Variants in MARCHF8 observed in about 807,000 individuals in gnomAD.
MARCHF8 encodes membrane associated ring-CH-type finger 8, also known as E3 ubiquitin-protein ligase MARCHF8.
A neutral mutation model predicts 51.6 loss-of-function variants in MARCHF8; 40 were observed. The ratio of observed to expected loss-of-function variants is 0.77; its 90% CI spans 0.60 to 1.01. MARCHF8 has a LOEUF of 1.01. Ranked by LOEUF, MARCHF8 falls within the 50% of genes least tolerant of loss-of-function variation. The pLI is 0.00. For missense variants in MARCHF8, 685 were observed against 708.6 expected, an observed-to-expected ratio of 0.97 and a Z score of 0.38; for synonymous variants, 263 against 280.3, an observed-to-expected ratio of 0.94 and a Z score of 0.62.
chr10:45,475,954 C>T (rs1459028934), intron 3 of MARCHF8, among the ~76,000 whole-genome samples: 1 of 152,112 alleles, frequency 6.6e-6, no homozygotes, highest in Non-Finnish European at 1.5e-5. Flanking sequence ...TCACAGACAC[C>T]ACAAACATGA....
rs748913191 is a variant in MARCHF8 at position 45,533,195 on chromosome 10, T to G, written c.17A>C (p.His6Pro). 1 of 1,611,186 alleles carries G rather than the reference T, an allele frequency of 6.2e-7. No homozygotes were observed. Among genetic ancestry groups the G allele is most frequent in the Non-Finnish European group, 8.5e-7 (1 of 1,178,750 alleles). The change falls in exon 2 of 8, where the codon CAT becomes CCT. Residue 6 changes from histidine to proline, a missense_variant. Transcript: ENST00000453424. ...CTGGGATGGAATGGCAGAGATCTGA[T>G]GCAGTGGCATGCTCATCCCAACCTC... MSMPL[H>P]QISAIPSQDA...
chr10:45,592,596 T>G (rs79835233), intron 1 of MARCHF8, among the ~76,000 whole-genome samples: 1 of 152,164 alleles, frequency 6.6e-6, no homozygotes, highest in Non-Finnish European at 1.5e-5. Context: ...CTAAACATTA[T>G]GTGATTATAG....
intron 2 of MARCHF8, among the ~76,000 whole-genome samples, chr10:45,503,310 G>A (rs148680224): frequency 2.3e-4 from 35 of 152,210 alleles, no homozygotes; most frequent in African/African-American, 8.4e-4. Context: ...GGCTGAGGCG[G>A]GCAGATCACG....
chr10:45,482,698 T>C (rs1028684479), intron 3 of MARCHF8, among the ~76,000 whole-genome samples: 5 of 152,212 alleles, frequency 3.3e-5, no homozygotes, highest in African/African-American at 9.6e-5. Flanking sequence ...GAGGTTGCAG[T>C]GAGCCTAGAT....
intron 2 of MARCHF8, among the ~76,000 whole-genome samples, chr10:45,498,603 G>A (rs1186744701): frequency 1.3e-5 from 2 of 152,012 alleles, no homozygotes; most frequent in African/African-American, 4.8e-5. Flanking sequence ...AGCCTCCCAA[G>A]TAGCTGGGAT....
chr10:45,494,397 T>C (rs2043136103), intron 2 of MARCHF8, among the ~76,000 whole-genome samples: 1 of 152,122 alleles, frequency 6.6e-6, no homozygotes, highest in Non-Finnish European at 1.5e-5. Flanking sequence ...GACTTCATCA[T>C]GTGGGGTTTT....
intron 1 of MARCHF8, among the ~76,000 whole-genome samples, chr10:45,572,569 C>A (rs1773319297): frequency 6.6e-6 from 1 of 152,148 alleles, no homozygotes; most frequent in African/African-American, 2.4e-5. Context: ...CTAAATAATT[C>A]TTGTTGTAAA....
At chr10:45,484,724 C>T (rs2042949848) in intron 3 of MARCHF8, among the ~76,000 whole-genome samples, 2 of 151,778 alleles carry the variant, frequency 1.3e-5, no homozygotes, top group African/African-American at 4.8e-5. Flanking sequence ...GAATTTTAGC[C>T]ATTCATGCAA....
Position 45,547,601 on chromosome 10 carries a change from A to ATTTT in MARCHF8, c.-78-14313_-78-14312insAAAA, listed in dbSNP as rs1312032081. Among the ~76,000 whole-genome samples the ATTTT allele has an allele frequency of 4.6e-5, 7 of 152,328 alleles. No homozygotes were observed. In the East Asian group the frequency reaches 1.3e-3, roughly 29 times the overall value. On this transcript the variant is annotated intron_variant, in intron 1 of 6. Coordinates refer to the MARCHF8 transcript ENST00000319836. Reference sequence around the variant, plus strand: ...GTGCAGCAACCGATCAGGTGAACCTAAAATATGTAGCGGTTTTTTTGTTTT... The same window carrying ATTTT: ...GTGCAGCAACCGATCAGGTGAACCTATTTTAAATATGTAGCGGTTTTTTTGTTTT...
At chr10:45,532,284 G>A (rs1024293247) in intron 2 of MARCHF8, among the ~76,000 whole-genome samples, 2 of 152,178 alleles carry the variant, frequency 1.3e-5, no homozygotes, top group African/African-American at 4.8e-5. Context: ...TGCAGTGAGG[G>A]TGTATATCAA....
chr10:45,472,128 G>A (rs1285807576), intron 3 of MARCHF8, among the ~76,000 whole-genome samples: 2 of 152,022 alleles, frequency 1.3e-5, no homozygotes, highest in African/African-American at 4.8e-5. Context: ...CTCCTTTCCC[G>A]GCAACTGGTG....
intron 2 of MARCHF8, among the ~76,000 whole-genome samples, chr10:45,524,505 T>C (rs2043759591): frequency 6.6e-6 from 1 of 152,198 alleles, no homozygotes; most frequent in Non-Finnish European, 1.5e-5. Flanking sequence ...AGATGGATGA[T>C]TCAAGAAGCC....
intron 1 of MARCHF8, among the ~76,000 whole-genome samples, chr10:45,584,583 T>C (rs1003061149): frequency 2.0e-5 from 3 of 152,102 alleles, no homozygotes; most frequent in Non-Finnish European, 4.4e-5. Context: ...CAACATTATA[T>C]ACAGTGGTAG....
chr10:45,534,153 A>C (rs1293229411), intron 1 of MARCHF8, among the ~76,000 whole-genome samples: 1 of 152,060 alleles, frequency 6.6e-6, no homozygotes, highest in Non-Finnish European at 1.5e-5. Flanking sequence ...ACTGCACTCC[A>C]GCCTGGGTAA....
At chr10:45,534,543 G>A (rs2043944025) in intron 1 of MARCHF8, among the ~76,000 whole-genome samples, 1 of 152,088 alleles carries the variant, frequency 6.6e-6, no homozygotes, top group South Asian at 2.1e-4. Context: ...ATCCCACTCT[G>A]TATACAAAAC....
intron 3 of MARCHF8, among the ~76,000 whole-genome samples, chr10:45,472,779 G>A (rs1014237809): frequency 2.0e-5 from 3 of 152,150 alleles, no homozygotes; most frequent in Admixed American, 6.5e-5. Context: ...AAAGACAGTC[G>A]GTTAAACTTT....
At chr10:45,514,796 T>C (rs964007667) in intron 2 of MARCHF8, among the ~76,000 whole-genome samples, 14 of 152,120 alleles carry the variant, frequency 9.2e-5, no homozygotes, top group African/African-American at 3.1e-4. Context: ...CTTGAAATAT[T>C]TTTTTTAATG....
intron 1 of MARCHF8, among the ~76,000 whole-genome samples, chr10:45,548,061 A>G (rs907065099): frequency 6.6e-6 from 1 of 152,198 alleles, no homozygotes; most frequent in African/African-American, 2.4e-5. Flanking sequence ...ATTCTAGTAG[A>G]AGATGCAAGG....
chr10:45,497,961 C>A (rs111760408), intron 2 of MARCHF8, among the ~76,000 whole-genome samples: 3,723 of 152,200 alleles, frequency 0.024, 155 homozygotes, highest in African/African-American at 0.084. Context: ...TTACTTAAGC[C>A]ACCCAGTCTG....
Sources: allele counts gnomAD v4.1 joint callset (sites outside exome capture counted in the v4.1 genomes callset), GRCh38; gene constraint gnomAD v4.1.1; transcripts MANE v1.5; gene names NCBI Gene and HGNC (gene_info 2026-07-23, HGNC 2026-07-21).